The following SYT1 variants were observed in gnomAD, a reference collection of about 807,000 sequenced individuals.
SYT1 encodes synaptotagmin-1.
SYT1 carries 8 observed loss-of-function variants against 44.8 expected under a neutral mutation model. That is an observed-to-expected ratio of 0.18 (90% CI 0.10 to 0.32). The LOEUF (loss-of-function observed/expected upper bound fraction) is 0.32. Among genes scored for constraint, SYT1 ranks in the 10% least tolerant of loss-of-function variants. The pLI is 1.00. For synonymous variants in SYT1, 154 were observed against 188.8 expected, an observed-to-expected ratio of 0.82 and a Z score of 1.51; for missense variants, 286 against 509.3, an observed-to-expected ratio of 0.56 and a Z score of 4.22.
rs537849096 is a variant in SYT1 at position 79,094,905 on chromosome 12, T to A, written c.-18+47543T>A. 2.0e-5 allele frequency among the ~76,000 whole-genome samples: 3 copies of A among 152,050 alleles called. No homozygotes were observed. In the East Asian group the frequency reaches 5.8e-4, roughly 29 times the overall value. ...AAAGTTAGAGCAAAAAGATACAGGCTGCTGAAAATCCAAAGCCACTCCCAA... is the reference window on the plus strand; with the variant it reads ...AAAGTTAGAGCAAAAAGATACAGGCAGCTGAAAATCCAAAGCCACTCCCAA... On this transcript the variant is annotated intron_variant, in intron 3 of 10. Coordinates refer to ENST00000261205, the MANE Select transcript of SYT1 (RefSeq NM_005639.3).
At chr12:79,234,548 A>C (rs1470244905) in intron 4 of SYT1, among the ~76,000 whole-genome samples, 1 of 152,170 alleles carries the variant, frequency 6.6e-6, no homozygotes, top group East Asian at 1.9e-4. Context: ...CACTTAGCAC[A>C]ATGTTTTTGC....
At chr12:79,054,381 A>G (rs1328241518) in intron 3 of SYT1, among the ~76,000 whole-genome samples, 1 of 152,026 alleles carries the variant, frequency 6.6e-6, no homozygotes, top group Non-Finnish European at 1.5e-5. Flanking sequence ...TGGTAGGAGA[A>G]TTTAATTATT....
At position 79,314,155 on chromosome 12, in the gene SYT1, C is replaced by A. The variant is rs1243902646; in HGVS notation, c.810+14604C>A. ...CTGCACTCCAGCCTGGGCGACAGAG[C>A]GAGACTCCGTCTCAAAAAAAAAAAA... On this transcript the variant is annotated intron_variant, in intron 8 of 10. Transcript: ENST00000261205. 6.1e-5 allele frequency among the ~76,000 whole-genome samples: 7 copies of A among 114,500 alleles called. No homozygotes were observed. The South Asian group carries it at 2.0e-3, about 33-fold the overall frequency. The allele number at this position is 114,500 out of a possible 152,430, so 75.1% of individuals were successfully genotyped here.
At chr12:79,179,626 G>T (rs936740131) in intron 3 of SYT1, among the ~76,000 whole-genome samples, 22 of 150,920 alleles carry the variant, frequency 1.5e-4, no homozygotes, top group African/African-American at 5.1e-4. Flanking sequence ...CTCCATGTGG[G>T]TCAGGCTGGT....
intron 9 of SYT1, among the ~76,000 whole-genome samples, chr12:79,354,742 G>C (rs774798810): frequency 3.3e-5 from 5 of 152,184 alleles, no homozygotes; most frequent in Non-Finnish European, 7.3e-5. Flanking sequence ...TTCTCTAGAA[G>C]TATAGAGTAT....
At chr12:79,020,532 CA>C (rs1446271550) in intron 2 of SYT1, among the ~76,000 whole-genome samples, 1 of 151,790 alleles carries the variant, frequency 6.6e-6, no homozygotes, top group East Asian at 1.9e-4. Flanking sequence ...TAAACAACAA[CA>C]AAAAAAGTAT....
chr12:79,253,338 T>G (rs1244842896), intron 4 of SYT1, among the ~76,000 whole-genome samples: 1 of 152,136 alleles, frequency 6.6e-6, no homozygotes, highest in Non-Finnish European at 1.5e-5. Context: ...TCTTTTTCAT[T>G]ATTATTGTAT....
intron 9 of SYT1, among the ~76,000 whole-genome samples, chr12:79,425,667 T>TA (rs1442606811): frequency 6.6e-6 from 1 of 152,178 alleles, no homozygotes; most frequent in African/African-American, 2.4e-5. Context: ...TCTCTTTCAA[T>TA]ATTTTTTAGA....
At chr12:79,228,571 T>A (rs1012658661) in intron 4 of SYT1, among the ~76,000 whole-genome samples, 1 of 152,144 alleles carries the variant, frequency 6.6e-6, no homozygotes, top group African/African-American at 2.4e-5. Flanking sequence ...TATGATCTTT[T>A]CTCCCATTAG....
chr12:78,997,519 T>G (rs1870457420), intron 2 of SYT1, among the ~76,000 whole-genome samples: 1 of 152,220 alleles, frequency 6.6e-6, no homozygotes. Flanking sequence ...TAAACTAGTC[T>G]GTAAGCAACC....
At position 79,240,297 on chromosome 12, in the gene SYT1, A is replaced by G. The variant is rs562454717; in HGVS notation, c.166+22612A>G. ...CAATTGGCACTACTCTATTTTTTACAAAATTTAAAGGATTTGAACTGAAAA... is the reference window on the plus strand; with the variant it reads ...CAATTGGCACTACTCTATTTTTTACGAAATTTAAAGGATTTGAACTGAAAA... On this transcript the variant is annotated intron_variant, in intron 4 of 10. Transcript: ENST00000261205. Among the ~76,000 whole-genome samples, 212 of 152,350 alleles carry G rather than the reference A, an allele frequency of 1.4e-3. 1 individual carries two copies. The highest frequency in any genetic ancestry group is 4.7e-3 in the African/African-American group (197 of 41,590).
intron 1 of SYT1, among the ~76,000 whole-genome samples, chr12:78,872,902 G>C (rs928277470): frequency 6.6e-6 from 1 of 151,618 alleles, no homozygotes; most frequent in Non-Finnish European, 1.5e-5. Flanking sequence ...TTAAAATTTT[G>C]CATGTAAAGG....
intron 4 of SYT1, among the ~76,000 whole-genome samples, chr12:79,265,572 A>G (rs1441230648): frequency 1.3e-5 from 2 of 152,148 alleles, no homozygotes; most frequent in African/African-American, 4.8e-5. Flanking sequence ...AGAATGCCAG[A>G]ATATATGGAA....
chr12:79,255,172 GTTATC>G (rs1043934043), intron 4 of SYT1, among the ~76,000 whole-genome samples: 1 of 152,124 alleles, frequency 6.6e-6, no homozygotes, highest in Non-Finnish European at 1.5e-5. Context: ...AAACTTCATA[GTTATC>G]TTATTTTAAG....
chr12:79,350,944 C>T (rs11113849), intron 8 of SYT1, among the ~76,000 whole-genome samples: 19,514 of 152,020 alleles, frequency 0.13, 2,335 homozygotes, highest in African/African-American at 0.32. Flanking sequence ...TAATAAAATG[C>T]TAAAACTTTT....
At position 79,178,969 on chromosome 12, in the gene SYT1, T is replaced by TATATCTATATAG. The variant is rs1565840949; in HGVS notation, c.-17-38530_-17-38529insCTATATAGATAT. Reference sequence around the variant, plus strand: ...ATATAGATATAGATATAGATATAGATATATAGATATAGATATATCTATATA... The same window carrying TATATCTATATAG: ...ATATAGATATAGATATAGATATAGATATATCTATATAGATATAGATATAGATATATCTATATA... On this transcript the variant is annotated intron_variant, in intron 3 of 10. Transcript: ENST00000261205. 7.4e-3 allele frequency among the ~76,000 whole-genome samples: 345 copies of TATATCTATATAG among 46,868 alleles called. 43 individuals are homozygous for TATATCTATATAG. The highest frequency in any genetic ancestry group is 0.028 in the African/African-American group (284 of 10,104). 30.7% of individuals were successfully genotyped at this position (46,868 alleles called of 152,430 possible). A position where few individuals can be genotyped will look rare whatever the true frequency, so the allele number is the denominator to read the frequency against.
chr12:78,999,768 GGGGACCATCACAA>G (rs1421303187), intron 2 of SYT1, among the ~76,000 whole-genome samples: 2 of 152,072 alleles, frequency 1.3e-5, no homozygotes, highest in Non-Finnish European at 2.9e-5. Context: ...GAATGGGAGA[GGGGACCATCACAA>G]GGTGTAGAAG....
chr12:79,193,594 G>T (rs903883939), intron 3 of SYT1, among the ~76,000 whole-genome samples: 2 of 151,966 alleles, frequency 1.3e-5, no homozygotes, highest in African/African-American at 4.8e-5. Context: ...TGGGTATTGT[G>T]CCTCAAACCA....
chr12:79,398,542 AATATGGTCCTT>A (rs1226567546), intron 9 of SYT1, among the ~76,000 whole-genome samples: 1 of 152,162 alleles, frequency 6.6e-6, no homozygotes, highest in African/African-American at 2.4e-5. Flanking sequence ...CGTTTAACAG[AATATGGTCCTT>A]ATATGGTCCT....
Sources: allele counts gnomAD v4.1 joint callset (sites outside exome capture counted in the v4.1 genomes callset), GRCh38; gene constraint gnomAD v4.1.1; transcripts MANE v1.5; gene names NCBI Gene and HGNC (gene_info 2026-07-23, HGNC 2026-07-21).